The following TRPM1 variants were observed in gnomAD, a reference collection of about 807,000 sequenced individuals.
The protein encoded by TRPM1 is TRPM1-203 APA Isoform, Intron 10.
A neutral mutation model predicts 149.4 loss-of-function variants in TRPM1; 113 were observed. The ratio of observed to expected loss-of-function variants is 0.76; its 90% CI spans 0.65 to 0.88. The LOEUF (loss-of-function observed/expected upper bound fraction) is 0.88. Ranked by LOEUF, TRPM1 falls within the 40% of genes least tolerant of loss-of-function variation. The pLI is 0.00. For missense variants in TRPM1, 1,976 were observed against 2,038.7 expected (o/e 0.97, Z 0.59); for synonymous variants, 741 against 759.5 (o/e 0.98, Z 0.40).
chr15:31,083,307 C>T (rs1163602176), intron 1 of TRPM1, among the ~76,000 whole-genome samples: 2 of 152,214 alleles, frequency 1.3e-5, no homozygotes, highest in Admixed American at 1.3e-4. Flanking sequence ...ATGTGGCCCA[C>T]ATATGGGCTT....
chr15:31,030,062 T>C (rs888767344), intron 23 of TRPM1, among the ~76,000 whole-genome samples: 2 of 152,222 alleles, frequency 1.3e-5, no homozygotes, highest in African/African-American at 2.4e-5. Flanking sequence ...TTTGTGATAC[T>C]TGCAATAATG....
chr15:31,079,726 T>C (rs2034807474), intron 2 of TRPM1, among the ~76,000 whole-genome samples: 1 of 152,258 alleles, frequency 6.6e-6, no homozygotes, highest in East Asian at 1.9e-4. Context: ...TATGCATGCA[T>C]GCCTGTATGC....
chr15:31,023,031 CAAAA>C (rs2032601028), intron 27 of TRPM1, among the ~76,000 whole-genome samples: 1 of 152,132 alleles, frequency 6.6e-6, no homozygotes, highest in African/African-American at 2.4e-5. Flanking sequence ...AAAACAAAAA[CAAAA>C]ACAGAAACAA....
At chr15:31,022,114 C>A (rs12902573) in intron 27 of TRPM1, among the ~76,000 whole-genome samples, 35,546 of 152,144 alleles carry the variant, frequency 0.23, 4,717 homozygotes, top group Non-Finnish European at 0.3. Flanking sequence ...GGGTCTCTGA[C>A]AAAATTTTGT....
chr15:31,026,950 C>G lies in TRPM1; in HGVS notation c.3461G>C (p.Arg1154Thr), dbSNP rs1234969484. Residue 1154 changes from arginine to threonine, a missense_variant, in exon 26 of 28, where the codon AGA (arginine) becomes ACA (threonine). Physicochemically the swap from Arg to Thr is moderately conservative, Grantham distance 71 (BLOSUM62 -1). This residue lies in a region of TRPM1 where 572 missense variants were observed against 578.9 expected (regional missense o/e 0.99). Coordinates refer to ENST00000256552, the MANE Select transcript of TRPM1 (RefSeq NM_001252024.2). ...MRLSGRCRKK[R>T]EGDQEERDRG... The stretch of plus-strand genomic sequence containing the variant: ...ATCCCGTTCCTCTTGGTCCCCTTCT[C>G]TCTTTTTCCTGCAGCGGCCGCTGAG... 6.2e-7 allele frequency: 1 copy of G among 1,614,160 alleles called. No individual in the cohort carries two copies. Among genetic ancestry groups the G allele is most frequent in the Admixed American group, 1.7e-5 (1 of 60,022 alleles).
chr15:31,058,005 A>C lies in TRPM1; in HGVS notation c.1263+2539T>G, dbSNP rs74478274. 2.2e-3 allele frequency among the ~76,000 whole-genome samples: 331 copies of C among 152,200 alleles called. 2 individuals carry two copies. The highest frequency in any genetic ancestry group is 7.3e-3 in the African/African-American group (302 of 41,536). ...CTGGGGTCTCCCCAGCCATTTGGAG[A>C]TGTGAGTCAATTAAACCTCCTTTAC... is the stretch of plus-strand genomic sequence containing the variant. On this transcript the variant is annotated intron_variant, in intron 11 of 27. Coordinates refer to ENST00000256552, the MANE Select transcript of TRPM1 (RefSeq NM_001252024.2).
intron 1 of TRPM1, among the ~76,000 whole-genome samples, chr15:31,156,332 A>G (rs1217426000): frequency 6.6e-6 from 1 of 151,998 alleles, no homozygotes; most frequent in Non-Finnish European, 1.5e-5. Context: ...TTAACATAAT[A>G]GAGCTTTCCC....
chr15:31,010,609 CA>C (rs1190847218), intron 27 of TRPM1, among the ~76,000 whole-genome samples: 3 of 152,050 alleles, frequency 2.0e-5, no homozygotes, highest in African/African-American at 7.2e-5. Flanking sequence ...ATTAATTTAT[CA>C]TTTTATTTTG....
At chr15:31,053,992 A>G (rs970599179) in intron 11 of TRPM1, among the ~76,000 whole-genome samples, 2 of 152,212 alleles carry the variant, frequency 1.3e-5, no homozygotes, top group African/African-American at 4.8e-5. Flanking sequence ...AAAAGGACAA[A>G]TATTACATGA....
chr15:31,075,349 CT>C (rs2034661808), intron 3 of TRPM1, among the ~76,000 whole-genome samples: 1 of 152,118 alleles, frequency 6.6e-6, no homozygotes, highest in East Asian at 1.9e-4. Flanking sequence ...CATTTTGGTG[CT>C]GTTTTAGGTA....
intron 1 of TRPM1, among the ~76,000 whole-genome samples, chr15:31,085,864 C>T (rs1244352626): frequency 2.0e-5 from 3 of 152,182 alleles, no homozygotes; most frequent in Non-Finnish European, 1.5e-5. Flanking sequence ...ATTTGCTTCT[C>T]ATTTTTTACC....
chr15:31,030,317 A>G (rs2033007318), intron 23 of TRPM1, among the ~76,000 whole-genome samples: 1 of 152,166 alleles, frequency 6.6e-6, no homozygotes, highest in Non-Finnish European at 1.5e-5. Flanking sequence ...AATGGGACTA[A>G]AAGTGCCTCC....
intron 27 of TRPM1, among the ~76,000 whole-genome samples, chr15:31,016,668 T>C (rs1372748682): frequency 6.6e-6 from 1 of 152,144 alleles, no homozygotes; most frequent in Non-Finnish European, 1.5e-5. Context: ...AAGGAAACTA[T>C]AAACAAATGA....
intron 1 of TRPM1, among the ~76,000 whole-genome samples, chr15:31,083,899 A>G (rs1196347408): frequency 1.3e-5 from 2 of 152,150 alleles, no homozygotes; most frequent in African/African-American, 4.8e-5. Context: ...CATCTGCCCC[A>G]CAGGCTGGTG....
chr15:31,058,918 C>T (rs1021359295), intron 11 of TRPM1, among the ~76,000 whole-genome samples: 10 of 151,830 alleles, frequency 6.6e-5, no homozygotes, highest in Admixed American at 1.3e-4. Flanking sequence ...CCTGTGTCCA[C>T]TAAAAATGCA....
intron 4 of TRPM1, among the ~76,000 whole-genome samples, chr15:31,068,428 T>C (rs979625777): frequency 3.9e-5 from 6 of 151,966 alleles, no homozygotes; most frequent in Non-Finnish European, 7.4e-5. Context: ...CCCTCGTGAG[T>C]GGGACTAGTG....
chr15:31,047,448 A>G (rs913165405), intron 14 of TRPM1, among the ~76,000 whole-genome samples, 197 bp from the exon 15 acceptor site: 2 of 152,206 alleles, frequency 1.3e-5, no homozygotes, highest in Non-Finnish European at 2.9e-5. Context: ...AAGGGCCAAG[A>G]ACAGCAGCTG....
chr15:31,004,978 G>T (rs7175967), intron 27 of TRPM1, among the ~76,000 whole-genome samples: 83,324 of 151,640 alleles, frequency 0.55, 23,980 homozygotes, highest in African/African-American at 0.7. Flanking sequence ...GGTGTGTGCC[G>T]GTAATCCCAG....
At chr15:31,105,515 T>G (rs1294560325), upstream of TRPM1, among the ~76,000 whole-genome samples, 2 of 152,200 alleles carry the variant, frequency 1.3e-5, no homozygotes, top group Non-Finnish European at 2.9e-5. Context: ...TGCATCATGA[T>G]AATTTTCAAT....
Sources: gnomAD v4.1 joint callset for allele counts (sites outside exome capture counted in the v4.1 genomes callset) on GRCh38, gnomAD v4.1.1 for gene constraint, gnomAD v4.1.1 regional missense constraint, MANE v1.5 for transcripts, NCBI Gene and HGNC (gene_info 2026-07-23, HGNC 2026-07-21) for gene names.